CSMD2: variants seen among roughly 807,000 people sequenced by gnomAD.
The protein encoded by CSMD2 is CUB and sushi domain-containing protein 2.
Under a neutral mutation model 398.5 loss-of-function variants are expected in CSMD2, and 130 were observed. The observed-to-expected ratio is 0.33, with a 90% CI of 0.28 to 0.38. The LOEUF is 0.38. CSMD2 is among the 10% of genes least tolerant of loss of function. The pLI, the probability that CSMD2 is intolerant of heterozygous loss-of-function variation, is 1.00. For missense variants in CSMD2, 3,829 were observed against 4,764.9 expected (o/e 0.80, Z 5.78); for synonymous variants, 1,828 against 1,908.5 (o/e 0.96, Z 1.10).
intron 5 of CSMD2, among the ~76,000 whole-genome samples, chr1:33,888,792 G>C (rs548585848): frequency 6.6e-6 from 1 of 151,950 alleles, no homozygotes; most frequent in Non-Finnish European, 1.5e-5. Flanking sequence ...TGTTGAGATG[G>C]AGTCTCCCTC....
intron 3 of CSMD2, among the ~76,000 whole-genome samples, chr1:33,944,038 G>A (rs368375811): frequency 9.9e-5 from 15 of 151,782 alleles, no homozygotes; most frequent in African/African-American, 3.6e-4. Flanking sequence ...GGCCTTGCAG[G>A]CTATATGGTC....
At chr1:33,913,144 G>T (rs986608978) in intron 5 of CSMD2, among the ~76,000 whole-genome samples, 1 of 152,208 alleles carries the variant, frequency 6.6e-6, no homozygotes, top group South Asian at 2.1e-4. Flanking sequence ...TAACTGGCCA[G>T]TGTGGGGCTA....
chr1:33,789,352 T>C (rs1277928403), intron 11 of CSMD2, among the ~76,000 whole-genome samples: 1 of 152,220 alleles, frequency 6.6e-6, no homozygotes, highest in Admixed American at 6.5e-5. Flanking sequence ...CCATGTAAGA[T>C]ACTGCACTTA....
intron 25 of CSMD2, among the ~76,000 whole-genome samples, chr1:33,665,721 C>T (rs981037815): frequency 6.6e-6 from 1 of 151,960 alleles, no homozygotes; most frequent in African/African-American, 2.4e-5. Context: ...AGCCACTGCA[C>T]CTGGCTAGTT....
chr1:33,630,796 G>T (rs962683843), intron 32 of CSMD2, among the ~76,000 whole-genome samples: 3 of 152,090 alleles, frequency 2.0e-5, no homozygotes, highest in Non-Finnish European at 2.9e-5. Flanking sequence ...GAAAAGAAAA[G>T]ACATTCTTAG....
intron 27 of CSMD2, among the ~76,000 whole-genome samples, chr1:33,657,298 TCAA>T (rs890525474): frequency 4.9e-4 from 74 of 152,192 alleles, no homozygotes; most frequent in African/African-American, 1.7e-3. Context: ...AGACTCCATC[TCAA>T]CAACAACAAC....
rs955509612 is a variant in CSMD2 at position 33,519,287 on chromosome 1, A to T, written c.*53+178T>A. Among the ~76,000 whole-genome samples, 15 of 152,202 alleles carry T rather than the reference A, an allele frequency of 9.9e-5. No individual in the cohort carries two copies. Among genetic ancestry groups the T allele is most frequent in the African/African-American group, 3.6e-4 (15 of 41,446 alleles). ...CACAGGGCGTGCAGGGATTCAATAT[A>T]TTAGATCCACAAAGGGCCTGGTTCA... On this transcript the variant is annotated intron_variant, in intron 70 of 70. Coordinates refer to ENST00000373381, the MANE Select transcript of CSMD2 (RefSeq NM_001281956.2). This position sits in a 1 kb window ranked among gnomAD's most constrained non-coding sequence, Gnocchi z 5.6.
In CSMD2 at chr1:33,918,111, T is replaced by A; in HGVS notation, c.903A>T (p.Thr301=). The change falls in exon 5 of 71, where the codon ACA becomes ACT. Residue 301 remains threonine, a synonymous_variant. Coordinates refer to ENST00000373381, the MANE Select transcript of CSMD2 (RefSeq NM_001281956.2). ...GTGCTTACCAGAGGGAGGAGCCTTC[T>A]GTCCCAGTGACTTCCAGAAAGTCGT... The part of the protein sequence containing the change: ...DGYDFLEVTG[T]EGSSLWFTGA... 1.9e-6 allele frequency: 3 copies of A among 1,613,920 alleles called. No homozygotes were observed. Among genetic ancestry groups the A allele is most frequent in the Non-Finnish European group, 1.7e-6 (2 of 1,180,004 alleles).
At chr1:34,142,725 C>T (rs1032105035) in intron 1 of CSMD2, among the ~76,000 whole-genome samples, 5 of 152,202 alleles carry the variant, frequency 3.3e-5, no homozygotes, top group African/African-American at 1.2e-4. Context: ...CATTACTTAA[C>T]ATGATTGAAC....
At chr1:33,551,730 A>T (rs1228479162) in intron 55 of CSMD2, among the ~76,000 whole-genome samples, 1 of 152,186 alleles carries the variant, frequency 6.6e-6, no homozygotes, top group East Asian at 1.9e-4. Context: ...CAAGGAGTGG[A>T]GTCTTTTTCC....
chr1:33,724,394 C>T (rs1646458151), intron 18 of CSMD2, 81 bp from the exon 19 acceptor site: 4 of 1,499,968 alleles, frequency 2.7e-6, no homozygotes, highest in South Asian at 1.2e-5. Context: ...ACCCCATCCC[C>T]CATCTCTCGA....
chr1:33,976,328 G>A lies in CSMD2; in HGVS notation c.518-40374C>T, dbSNP rs563382695. On this transcript the variant is annotated intron_variant, in intron 3 of 70. Transcript: ENST00000373381. ...CAAAGGCTGATGGATCCAAAAGGGG[G>A]TGGTTGGGGATAAGGAAACAAAATC... 2.0e-5 allele frequency among the ~76,000 whole-genome samples: 3 copies of A among 152,322 alleles called. No individual in the cohort carries two copies. The South Asian group carries it at 6.2e-4, about 32-fold the overall frequency.
Position 33,854,716 on chromosome 1 carries a change from G to C in CSMD2, c.921-7720C>G, listed in dbSNP as rs192184052. Among the ~76,000 whole-genome samples, 259 of 152,318 alleles carry C rather than the reference G, an allele frequency of 1.7e-3. 1 individual carries two copies. Among genetic ancestry groups the C allele is most frequent in the African/African-American group, 6.1e-3 (252 of 41,564 alleles). On this transcript the variant is annotated intron_variant, in intron 5 of 70. Coordinates refer to ENST00000373381, the MANE Select transcript of CSMD2 (RefSeq NM_001281956.2). ...ACTCAATAAACTCAACAAATTATCA[G>C]AACTCTTTCTTGCTCAGCTAATTGT...
At chr1:33,634,360 G>A (rs1308911157) in intron 31 of CSMD2, among the ~76,000 whole-genome samples, 1 of 152,230 alleles carries the variant, frequency 6.6e-6, no homozygotes, top group Non-Finnish European at 1.5e-5. Flanking sequence ...ATCAGGCCTT[G>A]CTCTGTGCTT....
chr1:33,569,076 T>C (rs1659332893), intron 52 of CSMD2, among the ~76,000 whole-genome samples: 1 of 152,196 alleles, frequency 6.6e-6, no homozygotes, highest in Admixed American at 6.5e-5. Context: ...AAATGGAGAC[T>C]GGGGCTTCAC....
In CSMD2 at chr1:33,658,203, C is replaced by A; in HGVS notation, c.4256-66G>T. The A allele has an allele frequency of 4.4e-6, 6 of 1,360,416 alleles. 1 individual carries two copies. The South Asian group carries it at 7.7e-5, about 17-fold the overall frequency. The allele number at this position is 1,360,416 out of a possible 1,614,324, so 84.3% of individuals were successfully genotyped here. On this transcript the variant is annotated intron_variant, in intron 26 of 70. Transcript: ENST00000373381. ...TGTCTGCCACTCAGGAGGCTCCCAGCTCATCACCCTCACTGATTGCCATCA... is the reference window on the plus strand; with the variant it reads ...TGTCTGCCACTCAGGAGGCTCCCAGATCATCACCCTCACTGATTGCCATCA...
intron 1 of CSMD2, among the ~76,000 whole-genome samples, chr1:34,153,059 C>G (rs1640476091): frequency 1.3e-5 from 2 of 152,188 alleles, no homozygotes; most frequent in Admixed American, 1.3e-4. Context: ...CTCTGTCACC[C>G]CAGGTGGAAT....
rs551862285 is a variant in CSMD2, at chr1:33,706,903, A to G, written c.3576+2186T>C. Among the ~76,000 whole-genome samples, 3 of 151,872 alleles carry G rather than the reference A, an allele frequency of 2.0e-5. No homozygotes were observed. The South Asian group carries it at 6.2e-4, about 32-fold the overall frequency. On this transcript the variant is annotated intron_variant, in intron 22 of 70. Coordinates refer to ENST00000373381, the MANE Select transcript of CSMD2 (RefSeq NM_001281956.2). ...TGTTTGTGTATGCGTGTGTGTGTGC[A>G]CGTATGTGTGTGCACTACCTGGGCT...
At chr1:33,734,179 T>C (rs1646809814) in intron 15 of CSMD2, among the ~76,000 whole-genome samples, 1 of 152,208 alleles carries the variant, frequency 6.6e-6, no homozygotes, top group Non-Finnish European at 1.5e-5. Flanking sequence ...ATTACAGTAC[T>C]TGCTTTTTTC....
Sources: allele counts gnomAD v4.1 joint callset (sites outside exome capture counted in the v4.1 genomes callset), GRCh38; gene constraint gnomAD v4.1.1; non-coding constraint Gnocchi (gnomAD v3.1); transcripts MANE v1.5; gene names NCBI Gene and HGNC (gene_info 2026-07-23, HGNC 2026-07-21).